The following KCNJ3 variants were observed in gnomAD, a reference collection of about 807,000 sequenced individuals.
KCNJ3 encodes the protein G protein-activated inward rectifier potassium channel 1.
Under a neutral mutation model 39.2 loss-of-function variants are expected in KCNJ3, and 4 were observed. The observed-to-expected ratio is 0.10, with a 90% confidence interval of 0.05 to 0.23. KCNJ3 has a LOEUF of 0.23. Ranked by LOEUF, KCNJ3 falls within the 10% of genes least tolerant of loss-of-function variation. The pLI is 1.00. For missense variants in KCNJ3, 276 were observed against 634.9 expected (o/e 0.43, Z 6.08); for synonymous variants, 230 against 237.4 (o/e 0.97, Z 0.29).
Position 154,830,605 on chromosome 2 carries a change from A to G in KCNJ3, c.920-24122A>G, listed in dbSNP as rs1046843922. Among the ~76,000 whole-genome samples, 13 of 152,336 alleles carry G rather than the reference A, an allele frequency of 8.5e-5. 2 individuals are homozygous for G. Among genetic ancestry groups the G allele is most frequent in the Admixed American group, 7.2e-4 (11 of 15,300 alleles). On this transcript the variant is annotated intron_variant, in intron 2 of 2. Transcript: ENST00000295101. Reference sequence around the variant, plus strand: ...AGATCAGGAGTAAAATAAAGAGGCTATAATTAATGAAATTAATGCCAGATA... The same window carrying G: ...AGATCAGGAGTAAAATAAAGAGGCTGTAATTAATGAAATTAATGCCAGATA...
At chr2:154,730,542 A>G (rs897447535) in intron 2 of KCNJ3, among the ~76,000 whole-genome samples, 3 of 152,170 alleles carry the variant, frequency 2.0e-5, no homozygotes, top group African/African-American at 7.2e-5. Flanking sequence ...TGTGGTAGAG[A>G]GTATTAAAAT....
chr2:154,730,977 T>C (rs1685439757), intron 2 of KCNJ3, among the ~76,000 whole-genome samples: 1 of 152,126 alleles, frequency 6.6e-6, no homozygotes, highest in Non-Finnish European at 1.5e-5. Flanking sequence ...AAGAATATAA[T>C]TCATTTAGAC....
chr2:154,759,660 A>T (rs1459126720), intron 2 of KCNJ3, among the ~76,000 whole-genome samples: 1 of 152,086 alleles, frequency 6.6e-6, no homozygotes, highest in Non-Finnish European at 1.5e-5. Context: ...ACTTCTCCCA[A>T]GGAAATTCAA....
intron 2 of KCNJ3, among the ~76,000 whole-genome samples, chr2:154,742,414 A>C (rs1685669310): frequency 6.6e-6 from 1 of 151,848 alleles, no homozygotes; most frequent in African/African-American, 2.4e-5. Flanking sequence ...TTGCCAGGTC[A>C]TATGGTAATT....
intron 2 of KCNJ3, among the ~76,000 whole-genome samples, chr2:154,740,929 G>T (rs1254779933): frequency 1.3e-5 from 2 of 151,734 alleles, no homozygotes; most frequent in Non-Finnish European, 2.9e-5. Context: ...GTTTGTACTG[G>T]GTACCAAATA....
rs139988721 is a variant in KCNJ3 at position 154,798,918 on chromosome 2, A to G, written c.920-55809A>G. On this transcript the variant is annotated intron_variant, in intron 2 of 2. Coordinates refer to ENST00000295101, the MANE Select transcript of KCNJ3 (RefSeq NM_002239.4). The stretch of plus-strand genomic sequence containing the variant: ...TGTGTGTATAGTGTGTGTGATGTGT[A>G]TGTGCATGCCGTGTGTGTGTGTGTG... 5.9e-4 allele frequency among the ~76,000 whole-genome samples: 90 copies of G among 151,620 alleles called. No homozygotes were observed. The East Asian group carries it at 0.011, about 18-fold the overall frequency.
At chr2:154,715,795 G>T (rs1486048906) in intron 2 of KCNJ3, among the ~76,000 whole-genome samples, 1 of 152,112 alleles carries the variant, frequency 6.6e-6, no homozygotes. Context: ...CACCAGTAAA[G>T]TTTTAATGAC....
chr2:154,774,416 T>C (rs908964590), intron 2 of KCNJ3, among the ~76,000 whole-genome samples: 2 of 152,130 alleles, frequency 1.3e-5, no homozygotes, highest in Admixed American at 6.6e-5. Flanking sequence ...CAATTTATGG[T>C]CAGAAGGGTA....
At chr2:154,797,665 CACATATGT>C (rs1686745735) in intron 2 of KCNJ3, among the ~76,000 whole-genome samples, 1 of 151,836 alleles carries the variant, frequency 6.6e-6, no homozygotes, top group Non-Finnish European at 1.5e-5. Context: ...CATATAAAAT[CACATATGT>C]ACATATGTCC....
intron 2 of KCNJ3, among the ~76,000 whole-genome samples, chr2:154,787,150 A>C (rs558036346): frequency 6.6e-6 from 1 of 152,218 alleles, no homozygotes; most frequent in Non-Finnish European, 1.5e-5. Flanking sequence ...AGGAAAGAAA[A>C]GAACTTTTAA....
intron 2 of KCNJ3, among the ~76,000 whole-genome samples, chr2:154,753,901 CCACTTA>C (rs1284001572): frequency 6.6e-6 from 1 of 151,954 alleles, no homozygotes; most frequent in African/African-American, 2.4e-5. Flanking sequence ...AGCAGAGTTC[CCACTTA>C]CACTTAACCT....
chr2:154,814,267 C>A (rs1477929295), intron 2 of KCNJ3, among the ~76,000 whole-genome samples: 1 of 152,126 alleles, frequency 6.6e-6, no homozygotes, highest in African/African-American at 2.4e-5. Flanking sequence ...ACTAGCAAAT[C>A]TTTTAAATAT....
At chr2:154,771,588 G>A (rs940128307) in intron 2 of KCNJ3, among the ~76,000 whole-genome samples, 4 of 152,250 alleles carry the variant, frequency 2.6e-5, no homozygotes, top group African/African-American at 9.6e-5. Flanking sequence ...CACGGGACTA[G>A]AGAGGTTGTG....
At chr2:154,850,395 A>G (rs1029871167) in intron 2 of KCNJ3, among the ~76,000 whole-genome samples, 2 of 152,166 alleles carry the variant, frequency 1.3e-5, no homozygotes, top group African/African-American at 2.4e-5. Context: ...AGAAACCATA[A>G]TGATATCTAC....
chr2:154,810,062 C>CT (rs5835547), intron 2 of KCNJ3, among the ~76,000 whole-genome samples: 69,434 of 151,566 alleles, frequency 0.46, 16,816 homozygotes, highest in Non-Finnish European at 0.55. Flanking sequence ...TAATATTGTT[C>CT]CTCTCTCTCT....
At chr2:154,828,577 C>T (rs1195577368) in intron 2 of KCNJ3, among the ~76,000 whole-genome samples, 2 of 152,114 alleles carry the variant, frequency 1.3e-5, no homozygotes, top group East Asian at 3.9e-4. Context: ...TCCATATGAC[C>T]TGGCAATGAG....
At chr2:154,784,900 C>A (rs1266001107) in intron 2 of KCNJ3, among the ~76,000 whole-genome samples, 1 of 152,136 alleles carries the variant, frequency 6.6e-6, no homozygotes, top group African/African-American at 2.4e-5. Context: ...CTTACAGAAT[C>A]ATTGTGAGTA....
chr2:154,745,775 A>T (rs1362837491), intron 2 of KCNJ3, among the ~76,000 whole-genome samples: 1 of 152,088 alleles, frequency 6.6e-6, no homozygotes, highest in African/African-American at 2.4e-5. Context: ...TTGAAACTTG[A>T]TCTTATCTAA....
chr2:154,736,374 T>TAAAAAAAAAAAA (rs70983745), intron 2 of KCNJ3, among the ~76,000 whole-genome samples: 12 of 93,232 alleles, frequency 1.3e-4, no homozygotes, highest in African/African-American at 1.6e-4. Context: ...TCACTAGTTC[T>TAAAAAAAAAAAA]AAAAAAAAAA....
Sources: allele counts gnomAD v4.1 joint callset (sites outside exome capture counted in the v4.1 genomes callset), GRCh38; gene constraint gnomAD v4.1.1; transcripts MANE v1.5; gene names NCBI Gene and HGNC (gene_info 2026-07-23, HGNC 2026-07-21).